AARS2: variants seen among roughly 807,000 people sequenced by gnomAD.
The protein encoded by AARS2 is alanine--tRNA ligase, mitochondrial.
A neutral mutation model predicts 119.7 loss-of-function variants in AARS2; 78 were observed. The observed-to-expected ratio is 0.65, with a 90% confidence interval of 0.54 to 0.79. The LOEUF (loss-of-function observed/expected upper bound fraction) is 0.79, where lower values mean the gene tolerates loss of function less well. AARS2 is among the 30% of genes least tolerant of loss of function. The pLI, the probability that AARS2 is intolerant of heterozygous loss-of-function variation, is 0.00. For synonymous variants in AARS2, 502 were observed against 526.3 expected (o/e 0.95, Z 0.63); for missense variants, 1,157 against 1,291.3 (o/e 0.90, Z 1.59).
chr6:44,304,904 C>T lies in AARS2; in HGVS notation c.1580-87G>A, dbSNP rs563893207. On this transcript the variant is annotated intron_variant, in intron 11 of 21. Coordinates refer to ENST00000244571, the MANE Select transcript of AARS2 (RefSeq NM_020745.4). Reference sequence around the variant, plus strand: ...GTGCCTGGAGGCCAACAAGCACCCCCGCTGGCAGGGGCACTTCCAGCTGGG... The same window carrying T: ...GTGCCTGGAGGCCAACAAGCACCCCTGCTGGCAGGGGCACTTCCAGCTGGG... The T allele has an allele frequency of 6.5e-5, 104 of 1,605,602 alleles. 1 individual carries two copies. The highest frequency in any genetic ancestry group is 2.0e-4 in the South Asian group (18 of 90,790).
At chr6:44,302,711 C>A in intron 17 of AARS2, 91 bp downstream of exon 17, 1 of 1,467,250 alleles carries the variant, frequency 6.8e-7, no homozygotes, top group Admixed American at 1.9e-5. Flanking sequence ...ACTGGCTCTG[C>A]TGCTGGGCAC....
rs199689375 is a variant in AARS2 at position 44,300,736 on chromosome 6, G to A, written c.2794-25C>T. ...CCTAGGAACAGAATCAGAAGAGGAAGCGATGCAGAGTGGCCCTCCCTGCCA... is the reference window on the plus strand; with the variant it reads ...CCTAGGAACAGAATCAGAAGAGGAAACGATGCAGAGTGGCCCTCCCTGCCA... On this transcript the variant is annotated intron_variant, in intron 21 of 21. Coordinates refer to ENST00000244571, the MANE Select transcript of AARS2 (RefSeq NM_020745.4). The A allele has an allele frequency of 1.7e-5, 28 of 1,608,920 alleles. No homozygotes were observed. In the African/African-American group the frequency reaches 2.5e-4, roughly 15 times the overall value.
At position 44,307,382 on chromosome 6, in the gene AARS2, G is replaced by A; in HGVS notation, c.907C>T (p.Pro303Ser). 1.9e-6 allele frequency: 3 copies of A among 1,605,264 alleles called. No individual in the cohort carries two copies. The highest frequency in any genetic ancestry group is 1.7e-4 in the Middle Eastern group (1 of 6,052). Reference protein sequence around the residue: ...LNAIQQGCRAPPYLGRVGVAD... With the variant: ...LNAIQQGCRASPYLGRVGVAD... ...ACCCCTACTCGGCCCAAGTAAGGGGGTGCCCTGCAGCCCTGGGAAGCAGAA... is the reference window on the plus strand; with the variant it reads ...ACCCCTACTCGGCCCAAGTAAGGGGATGCCCTGCAGCCCTGGGAAGCAGAA... The change falls in exon 6 of 22, where the codon CCC becomes TCC. Residue 303 changes from proline (P) to serine (S), a missense_variant. Physicochemically the swap from Pro to Ser is moderately conservative, Grantham distance 74. Coordinates refer to ENST00000244571, the MANE Select transcript of AARS2 (RefSeq NM_020745.4). This position sits in a 1 kb window ranked among gnomAD's most constrained non-coding sequence, Gnocchi z 4.4.
Position 44,300,299 on chromosome 6 carries a change from G to T in AARS2, c.*248C>A. 1 of 576,776 alleles carries T rather than the reference G, an allele frequency of 1.7e-6. No homozygotes were observed. The highest frequency in any genetic ancestry group is 3.1e-6 in the Non-Finnish European group (1 of 323,314). 35.7% of individuals were successfully genotyped at this position (576,776 alleles called of 1,614,324 possible). A position where few individuals can be genotyped will look rare whatever the true frequency, so the allele number is the denominator to read the frequency against. On this transcript the variant is annotated 3_prime_UTR_variant, in exon 22 of 22. Transcript: ENST00000244571. ...CGGCCAGTGAAATAATTTCTAATGTGCAGTCACAGCCATAATTGTCCATGT... is the reference window on the plus strand; with the variant it reads ...CGGCCAGTGAAATAATTTCTAATGTTCAGTCACAGCCATAATTGTCCATGT...
rs1168321137 is a variant in AARS2 at position 44,300,155 on chromosome 6, A to G, written c.*392T>C. ...CCACCACACCCGGCTAATTTTTTGT[A>G]TTTTTAGTAGAGATGGGGTTTCACC... On this transcript the variant is annotated 3_prime_UTR_variant, in exon 22 of 22. Coordinates refer to ENST00000244571, the MANE Select transcript of AARS2 (RefSeq NM_020745.4). 2.0e-5 allele frequency: 5 copies of G among 248,854 alleles called. No individual in the cohort carries two copies. Among genetic ancestry groups the G allele is most frequent in the Non-Finnish European group, 3.2e-5 (4 of 125,122 alleles). 15.4% of individuals were successfully genotyped at this position (248,854 alleles called of 1,614,324 possible).
At chr6:44,309,697 T>C (rs1351988298) in intron 5 of AARS2, among the ~76,000 whole-genome samples, 1 of 152,170 alleles carries the variant, frequency 6.6e-6, no homozygotes, top group Non-Finnish European at 1.5e-5. Flanking sequence ...CTCAAGCCAA[T>C]AGCCTGGGAG....
chr6:44,311,975 C>A, intron 2 of AARS2, 97 bp downstream of exon 2: 1 of 1,471,090 alleles, frequency 6.8e-7, no homozygotes, highest in Non-Finnish European at 9.5e-7. Flanking sequence ...CACTTTGCCT[C>A]CACATCTGGT....
At chr6:44,312,945 T>G in intron 1 of AARS2, 136 bp downstream of exon 1, 1 of 1,378,252 alleles carries the variant, frequency 7.3e-7, no homozygotes, top group Non-Finnish European at 1.0e-6. Context: ...CCCCATCACT[T>G]TACCCAACCA....
Position 44,305,124 on chromosome 6 carries a change from C to G in AARS2, c.1509G>C (p.Gln503His). Reference sequence around the variant, plus strand: ...CGTCAGTTGGGGGCACTCCTTGGCGCTGCAGCTCCCCAAGCGCATGGACAT... The same window carrying G: ...CGTCAGTTGGGGGCACTCCTTGGCGGTGCAGCTCCCCAAGCGCATGGACAT... ...WLDVHALGEL[Q>H]RQGVPPTDDS... Residue 503 changes from glutamine to histidine, a missense_variant, in exon 11 of 22, where the codon CAG becomes CAC. Coordinates refer to ENST00000244571, the MANE Select transcript of AARS2 (RefSeq NM_020745.4). This position sits in a 1 kb window ranked among gnomAD's most constrained non-coding sequence, Gnocchi z 4.6. 6.2e-7 allele frequency: 1 copy of G among 1,614,002 alleles called. No homozygotes were observed. The highest frequency in any genetic ancestry group is 1.3e-5 in the African/African-American group (1 of 75,062).
chr6:44,303,163 G>T lies in AARS2; in HGVS notation c.2158C>A (p.Pro720Thr). The T allele has an allele frequency of 6.2e-7, 1 of 1,614,158 alleles. No individual in the cohort carries two copies. Among genetic ancestry groups the T allele is most frequent in the Non-Finnish European group, 8.5e-7 (1 of 1,180,042 alleles). The change falls in exon 16 of 22, where the codon CCT becomes ACT. Residue 720 changes from proline to threonine, a missense_variant. Transcript: ENST00000244571. ...ACCCCCACTGATACCACCCGCACAG[G>T]GTCTGGGTAAACCTGAGGTCAAGAG... is the stretch of plus-strand genomic sequence containing the variant. Reference protein sequence around the residue: ...LRSLDEVYPDPVRVVSVGVPV... With the variant: ...LRSLDEVYPDTVRVVSVGVPV...
intron 21 of AARS2, 179 bp downstream of exon 21, chr6:44,300,976 TG>T: frequency 1.4e-6 from 1 of 724,170 alleles, no homozygotes; most frequent in African/African-American, 1.8e-5. Context: ...TGGTGCCTTC[TG>T]GGGTGGGGAG....
rs1785772530 is a variant in AARS2, at chr6:44,305,578, G to A, written c.1434+75C>T. On this transcript the variant is annotated intron_variant, in intron 10 of 21. Transcript: ENST00000244571. The surrounding 1 kb of genome is among the most constrained non-coding windows in gnomAD (Gnocchi z 4.6). ...CTCTTGATTCCTCTCAATATTCACAGCTCCTCCCCCAGGAGCTCAGGGCTG... is the reference window on the plus strand; with the variant it reads ...CTCTTGATTCCTCTCAATATTCACAACTCCTCCCCCAGGAGCTCAGGGCTG... 1.2e-6 allele frequency: 2 copies of A among 1,600,730 alleles called. No homozygotes were observed. Among genetic ancestry groups the A allele is most frequent in the Non-Finnish European group, 1.7e-6 (2 of 1,170,190 alleles).
chr6:44,301,573 C>T (rs1785362306), intron 19 of AARS2, 109 bp from the exon 20 acceptor site: 3 of 1,098,432 alleles, frequency 2.7e-6, no homozygotes, highest in Admixed American at 3.7e-5. Flanking sequence ...TTCCCCCACC[C>T]ACCCCAAAAG....
Position 44,306,865 on chromosome 6 carries a change from G to A in AARS2, c.1149+58C>T, listed in dbSNP as rs1392562995. 5.3e-6 allele frequency: 8 copies of A among 1,521,696 alleles called. No individual in the cohort carries two copies. In the Admixed American group the frequency reaches 6.7e-5, roughly 13 times the overall value. The allele number at this position is 1,521,696 out of a possible 1,614,324, so 94.3% of individuals were successfully genotyped here. ...GCTGGGGGCACTGTCTAGGCTCAGTGGTAGGCTCCCCAAAGTGCCCAGGGA... is the reference window on the plus strand; with the variant it reads ...GCTGGGGGCACTGTCTAGGCTCAGTAGTAGGCTCCCCAAAGTGCCCAGGGA... On this transcript the variant is annotated intron_variant, in intron 7 of 21. Transcript: ENST00000244571.
intron 1 of AARS2, 24 bp downstream of exon 1, chr6:44,313,057 C>T (rs1786510858): frequency 3.1e-6 from 5 of 1,612,340 alleles, no homozygotes; most frequent in Admixed American, 1.7e-5. Flanking sequence ...ACTCCGCTCC[C>T]TATCAGTATG....
chr6:44,312,396 T>G, intron 1 of AARS2, 133 bp from the exon 2 acceptor site: 1 of 913,986 alleles, frequency 1.1e-6, no homozygotes, highest in Non-Finnish European at 1.6e-6. Context: ...AGTGTAATCT[T>G]GGTCTATGAG....
At position 44,305,099 on chromosome 6, in the gene AARS2, C is replaced by G. The variant is rs146512155; in HGVS notation, c.1534G>C (p.Asp512His). Reference sequence around the variant, plus strand: ...AGGGAGTAGTTGTACTTGGGGCTGTCGTCAGTTGGGGGCACTCCTTGGCGC... The same window carrying G: ...AGGGAGTAGTTGTACTTGGGGCTGTGGTCAGTTGGGGGCACTCCTTGGCGC... ...LQRQGVPPTD[D>H]SPKYNYSLRP... is the part of the protein sequence containing the mutation. Residue 512 changes from aspartate to histidine, a missense_variant, in exon 11 of 22, where the codon GAC (aspartate) becomes CAC (histidine). Transcript: ENST00000244571. The surrounding 1 kb of genome is among the most constrained non-coding windows in gnomAD (Gnocchi z 4.6). 2.5e-4 allele frequency: 402 copies of G among 1,613,950 alleles called. No homozygotes were observed. Among genetic ancestry groups the G allele is most frequent in the Non-Finnish European group, 2.9e-4 (346 of 1,180,042 alleles).
Position 44,300,400 on chromosome 6 carries a change from T to G in AARS2, c.*147A>C, listed in dbSNP as rs1255828853. 1 of 1,162,732 alleles carries G rather than the reference T, an allele frequency of 8.6e-7. No individual in the cohort carries two copies. The highest frequency in any genetic ancestry group is 1.3e-5 in the South Asian group (1 of 78,278). 72.0% of individuals were successfully genotyped at this position (1,162,732 alleles called of 1,614,324 possible). A position where few individuals can be genotyped will look rare whatever the true frequency, so the allele number is the denominator to read the frequency against. ...CTAGCCCATGTCTCCTTGTGTCACG[T>G]AGGCCCTGGCCCAGGTGATCTTCTT... is the stretch of plus-strand genomic sequence containing the variant. On this transcript the variant is annotated 3_prime_UTR_variant, in exon 22 of 22. Coordinates refer to ENST00000244571, the MANE Select transcript of AARS2 (RefSeq NM_020745.4).
In AARS2 at chr6:44,300,448, G is replaced by C; in HGVS notation, c.*99C>G. 7.1e-6 allele frequency: 11 copies of C among 1,554,898 alleles called. No individual in the cohort carries two copies. The highest frequency in any genetic ancestry group is 1.7e-5 in the Admixed American group (1 of 59,840). On this transcript the variant is annotated 3_prime_UTR_variant, in exon 22 of 22. Coordinates refer to ENST00000244571, the MANE Select transcript of AARS2 (RefSeq NM_020745.4). ...CTTTGGCTCAGCTGCTTGGCCTCCA[G>C]CCTCTAGTCCTCGCTTCAGCATGTG...
Sources: gnomAD v4.1 joint callset for allele counts (sites outside exome capture counted in the v4.1 genomes callset) on GRCh38, gnomAD v4.1.1 for gene constraint, Gnocchi (gnomAD v3.1) non-coding constraint, MANE v1.5 for transcripts, NCBI Gene and HGNC (gene_info 2026-07-23, HGNC 2026-07-21) for gene names.